Variants in CPQ observed in about 807,000 individuals in gnomAD.
The protein encoded by CPQ is carboxypeptidase Q, also known as Ser-Met dipeptidase.
A neutral mutation model predicts 45.7 loss-of-function variants in CPQ; 37 were observed. The observed-to-expected ratio is 0.81, with a 90% CI of 0.62 to 1.07. CPQ has a LOEUF of 1.07. Ranked by LOEUF, CPQ falls within the 50% of genes least tolerant of loss-of-function variation. The pLI, the probability that CPQ is intolerant of heterozygous loss-of-function variation, is 0.00. For synonymous variants in CPQ, 186 were observed against 205.8 expected, an observed-to-expected ratio of 0.90 and a Z score of 0.82; for missense variants, 537 against 572.9, an observed-to-expected ratio of 0.94 and a Z score of 0.64.
chr8:96,854,973 A>G (rs1262722939), intron 3 of CPQ, among the ~76,000 whole-genome samples: 1 of 152,194 alleles, frequency 6.6e-6, no homozygotes, highest in African/African-American at 2.4e-5. Context: ...ATGGGAAGGT[A>G]TTTAGTGGAA....
chr8:97,064,750 AC>A (rs1810609662), intron 6 of CPQ, among the ~76,000 whole-genome samples: 1 of 152,208 alleles, frequency 6.6e-6, no homozygotes, highest in Admixed American at 6.5e-5. Flanking sequence ...AGAAAAAAAT[AC>A]TATGCAATCC....
In CPQ at chr8:96,656,423, C is replaced by T. The variant is rs192980038; in HGVS notation, c.-35+11021C>T. On this transcript the variant is annotated intron_variant, in intron 1 of 7. Coordinates refer to ENST00000220763, the MANE Select transcript of CPQ (RefSeq NM_016134.4). Reference sequence around the variant, plus strand: ...TGTACTTCCTGGCTGGGTGGTACTACTTTTTTGGTTCAACAGTTGAGCAGG... The same window carrying T: ...TGTACTTCCTGGCTGGGTGGTACTATTTTTTTGGTTCAACAGTTGAGCAGG... Among the ~76,000 whole-genome samples the T allele has an allele frequency of 1.6e-4, 24 of 152,214 alleles. 1 individual carries two copies. In the East Asian group the frequency reaches 3.7e-3, roughly 23 times the overall value.
At chr8:97,094,650 C>T (rs1242824643) in intron 7 of CPQ, among the ~76,000 whole-genome samples, 2 of 152,134 alleles carry the variant, frequency 1.3e-5, no homozygotes, top group Non-Finnish European at 2.9e-5. Flanking sequence ...CCTCTATGCC[C>T]TCAAGCAACT....
In CPQ at chr8:96,793,544, T is replaced by C. The variant is rs141939859; in HGVS notation, c.433+8214T>C. Among the ~76,000 whole-genome samples, 347 of 152,312 alleles carry C rather than the reference T, an allele frequency of 2.3e-3. 4 individuals are homozygous for C. The highest frequency in any genetic ancestry group is 8.2e-3 in the African/African-American group (340 of 41,576). On this transcript the variant is annotated intron_variant, in intron 2 of 7. Transcript: ENST00000220763. ...TGGAAATTCAAGATCAGAGTTGGGT[T>C]GGGACATAGTCAAACTATATCATTC...
intron 2 of CPQ, among the ~76,000 whole-genome samples, chr8:96,820,194 A>G (rs1353345110): frequency 1.3e-5 from 2 of 152,042 alleles, no homozygotes; most frequent in Non-Finnish European, 2.9e-5. Context: ...ATCGATCTGT[A>G]GGCTGCTGAT....
intron 7 of CPQ, among the ~76,000 whole-genome samples, chr8:97,123,515 A>T (rs904155610): frequency 5.3e-5 from 8 of 151,806 alleles, no homozygotes; most frequent in Admixed American, 1.3e-4. Context: ...AACCATTTTT[A>T]AAAAATGGTA....
intron 3 of CPQ, among the ~76,000 whole-genome samples, chr8:96,843,215 G>A (rs1218121568): frequency 6.6e-6 from 1 of 152,090 alleles, no homozygotes; most frequent in African/African-American, 2.4e-5. Context: ...CTTTTGTGGG[G>A]TTTAAAAGCA....
chr8:96,866,019 C>A (rs1811991675), intron 3 of CPQ, among the ~76,000 whole-genome samples: 1 of 152,016 alleles, frequency 6.6e-6, no homozygotes, highest in Admixed American at 6.6e-5. Context: ...AATGGTTGTA[C>A]TTAGAGGCAG....
chr8:96,852,079 A>AT (rs1563513022), intron 3 of CPQ, among the ~76,000 whole-genome samples: 1 of 152,050 alleles, frequency 6.6e-6, no homozygotes, highest in Non-Finnish European at 1.5e-5. Context: ...ATCACTTTTT[A>AT]TTTTTTTGCC....
At position 96,917,533 on chromosome 8, in the gene CPQ, C is replaced by T. The variant is rs1428171501; in HGVS notation, c.849+37528C>T. 2.0e-5 allele frequency among the ~76,000 whole-genome samples: 3 copies of T among 152,026 alleles called. No individual in the cohort carries two copies. The East Asian group carries it at 5.8e-4, about 29-fold the overall frequency. ...ATCTCTCATACTTCCTGCTCCAGTC[C>T]TAGAATCAGCCATTTCTCCAAGGAA... On this transcript the variant is annotated intron_variant, in intron 4 of 7. Coordinates refer to ENST00000220763, the MANE Select transcript of CPQ (RefSeq NM_016134.4).
intron 7 of CPQ, among the ~76,000 whole-genome samples, chr8:97,113,192 A>G (rs1434026961): frequency 6.6e-6 from 1 of 152,144 alleles, no homozygotes; most frequent in Non-Finnish European, 1.5e-5. Context: ...AGGAAGGCAG[A>G]TGATCAAGCA....
chr8:96,743,298 A>T (rs1467609775), intron 1 of CPQ, among the ~76,000 whole-genome samples: 1 of 151,460 alleles, frequency 6.6e-6, no homozygotes, highest in Non-Finnish European at 1.5e-5. Flanking sequence ...TTCTTCACGT[A>T]GTTCTCGAGC....
chr8:96,762,070 C>T (rs1194351313), intron 1 of CPQ, among the ~76,000 whole-genome samples: 3 of 152,178 alleles, frequency 2.0e-5, no homozygotes, highest in Non-Finnish European at 4.4e-5. Context: ...TATACCATCA[C>T]GTGCTGCTGT....
chr8:96,819,645 G>A (rs1016495466), intron 2 of CPQ, among the ~76,000 whole-genome samples: 1 of 152,070 alleles, frequency 6.6e-6, no homozygotes, highest in African/African-American at 2.4e-5. Context: ...TCAAAACACT[G>A]TTATAATAAG....
intron 1 of CPQ, among the ~76,000 whole-genome samples, chr8:96,702,216 G>A (rs1424195996): frequency 7.9e-5 from 12 of 152,168 alleles, no homozygotes; most frequent in Non-Finnish European, 1.5e-5. Flanking sequence ...CATTCCAGAA[G>A]CCGTCTAGTC....
chr8:97,113,357 A>T (rs1353823279), intron 7 of CPQ, among the ~76,000 whole-genome samples: 1 of 152,192 alleles, frequency 6.6e-6, no homozygotes, highest in Non-Finnish European at 1.5e-5. Context: ...TTGGTTTAAG[A>T]CAGGAGGAAC....
intron 1 of CPQ, among the ~76,000 whole-genome samples, chr8:96,690,408 TC>T (rs1470685855): frequency 3.3e-5 from 5 of 152,306 alleles, no homozygotes; most frequent in African/African-American, 1.2e-4. Context: ...GCTTTTACTC[TC>T]TTCCCCATTG....
At position 96,834,993 on chromosome 8, in the gene CPQ, G is replaced by C. The variant is rs1811507845; in HGVS notation, c.454G>C (p.Val152Leu). Reference sequence around the variant, plus strand: ...TCTAGGCATTACAGCAGAAGTTCTGGTGGTGACCTCTTTCGATGAACTGCA... The same window carrying C: ...TCTAGGCATTACAGCAGAAGTTCTGCTGGTGACCTCTTTCGATGAACTGCA... ...PPEGITAEVLVVTSFDELQRR... is the reference protein window; with the variant it reads ...PPEGITAEVLLVTSFDELQRR... Residue 152 changes from valine (V) to leucine (L), a missense_variant, in exon 3 of 8, where the codon GTG becomes CTG. Transcript: ENST00000220763. 1 of 1,613,154 alleles carries C rather than the reference G, an allele frequency of 6.2e-7. No homozygotes were observed. The highest frequency in any genetic ancestry group is 1.3e-5 in the African/African-American group (1 of 74,880).
intron 4 of CPQ, among the ~76,000 whole-genome samples, chr8:96,914,993 A>G (rs1187647304): frequency 6.6e-6 from 1 of 152,148 alleles, no homozygotes; most frequent in Admixed American, 6.6e-5. Flanking sequence ...TCAGAGGGAA[A>G]TCTTCTAAGT....
Sources: allele counts gnomAD v4.1 joint callset (sites outside exome capture counted in the v4.1 genomes callset), GRCh38; gene constraint gnomAD v4.1.1; transcripts MANE v1.5; gene names NCBI Gene and HGNC (gene_info 2026-07-23, HGNC 2026-07-21).